BMPR1B: variants seen among roughly 807,000 people sequenced by gnomAD.
The protein encoded by BMPR1B is bone morphogenetic protein receptor type-1B.
In BMPR1B, 12 loss-of-function variants were observed where a neutral mutation model predicts 59.1. The observed-to-expected ratio is 0.20, with a 90% CI of 0.13 to 0.33. The LOEUF is 0.33. BMPR1B is among the 10% of genes least tolerant of loss of function. The probability of loss-of-function intolerance (pLI) is 1.00; values close to 1 mark genes in which losing one functional copy is unlikely to be tolerated. For missense variants in BMPR1B, 550 were observed against 610.9 expected (o/e 0.90, Z 1.05); for synonymous variants, 237 against 207.3 (o/e 1.14, Z -1.23).
At chr4:94,901,848 C>T (rs994152932) in intron 2 of BMPR1B, among the ~76,000 whole-genome samples, 9 of 151,942 alleles carry the variant, frequency 5.9e-5, no homozygotes, top group African/African-American at 2.2e-4. Context: ...GACTCTTCTC[C>T]TGAACATGGG....
At chr4:94,947,480 C>T (rs1245188731) in intron 2 of BMPR1B, among the ~76,000 whole-genome samples, 2 of 152,182 alleles carry the variant, frequency 1.3e-5, no homozygotes, top group Non-Finnish European at 2.9e-5. Context: ...CGCCTTTGAG[C>T]TAATTGGTGA....
chr4:94,835,323 C>A (rs1353647499), intron 1 of BMPR1B, among the ~76,000 whole-genome samples: 1 of 152,122 alleles, frequency 6.6e-6, no homozygotes, highest in Non-Finnish European at 1.5e-5. Context: ...ACGTGTACCA[C>A]CATGCCTGGC....
At chr4:94,997,335 C>T (rs1040540296) in intron 3 of BMPR1B, among the ~76,000 whole-genome samples, 5 of 152,120 alleles carry the variant, frequency 3.3e-5, no homozygotes, top group African/African-American at 1.2e-4. Flanking sequence ...AATACTCTGG[C>T]ACAGATTTTG....
At chr4:94,881,447 C>G (rs1726967444) in intron 2 of BMPR1B, among the ~76,000 whole-genome samples, 1 of 151,662 alleles carries the variant, frequency 6.6e-6, no homozygotes. Flanking sequence ...GGTTCAAGTT[C>G]TAGGCTGGGG....
chr4:95,061,208 C>CACAG (rs1727360751), intron 3 of BMPR1B, among the ~76,000 whole-genome samples: 1 of 134,514 alleles, frequency 7.4e-6, no homozygotes, highest in Admixed American at 7.4e-5. Flanking sequence ...CACACACACA[C>CACAG]ACCACACACC....
At chr4:95,141,214 C>T (rs1449569119) in intron 10 of BMPR1B, among the ~76,000 whole-genome samples, 5 of 152,126 alleles carry the variant, frequency 3.3e-5, no homozygotes, top group Non-Finnish European at 7.4e-5. Flanking sequence ...GTTTTTGAGC[C>T]TAATTTTTAA....
chr4:95,110,011 A>T (rs565596923), intron 4 of BMPR1B, among the ~76,000 whole-genome samples: 1 of 150,794 alleles, frequency 6.6e-6, no homozygotes, highest in East Asian at 2.0e-4. Flanking sequence ...ATAAGGAATA[A>T]CTCTCCTCTT....
At position 95,047,067 on chromosome 4, in the gene BMPR1B, T is replaced by G. The variant is rs538475857; in HGVS notation, c.-18+50933T>G. On this transcript the variant is annotated intron_variant, in intron 3 of 12. Coordinates refer to ENST00000515059, the MANE Select transcript of BMPR1B (RefSeq NM_001203.3). ...CTCATTTTTTAAAATAAACTTTTTA[T>G]TTTATAATTGATTTAGAAAATTTCC... Among the ~76,000 whole-genome samples, 53 of 152,206 alleles carry G rather than the reference T, an allele frequency of 3.5e-4. No individual in the cohort carries two copies. In the South Asian group the frequency reaches 7.5e-3, roughly 21 times the overall value.
chr4:95,060,167 C>T (rs1313777647), intron 3 of BMPR1B, among the ~76,000 whole-genome samples: 1 of 152,068 alleles, frequency 6.6e-6, no homozygotes, highest in Non-Finnish European at 1.5e-5. Flanking sequence ...ATTTTGAAAC[C>T]ACTAAACCAA....
At chr4:94,932,515 CTG>C (rs1176836349) in intron 2 of BMPR1B, among the ~76,000 whole-genome samples, 6 of 152,088 alleles carry the variant, frequency 3.9e-5, no homozygotes, top group Non-Finnish European at 7.4e-5. Flanking sequence ...GAAACTATAA[CTG>C]TCAATTTGAA....
chr4:94,927,166 C>T (rs548138947), intron 2 of BMPR1B, among the ~76,000 whole-genome samples: 1 of 152,000 alleles, frequency 6.6e-6, no homozygotes, highest in Non-Finnish European at 1.5e-5. Context: ...TCATTCCTTG[C>T]GAGTCACTGA....
At position 94,793,611 on chromosome 4, in the gene BMPR1B, T is replaced by C. The variant is rs1461006314; in HGVS notation, c.-183+35543T>C. On this transcript the variant is annotated intron_variant, in intron 1 of 12. Transcript: ENST00000515059. ...TCGCCACACTGACTTCCACAATGGTTGAACTAGTTTACAGTCCCACCAACA... is the reference window on the plus strand; with the variant it reads ...TCGCCACACTGACTTCCACAATGGTCGAACTAGTTTACAGTCCCACCAACA... Among the ~76,000 whole-genome samples the C allele has an allele frequency of 6.2e-3, 916 of 148,012 alleles. 5 individuals are homozygous for C. The highest frequency in any genetic ancestry group is 0.021 in the African/African-American group (854 of 40,098).
At chr4:95,140,878 T>C (rs780545372) in intron 10 of BMPR1B, among the ~76,000 whole-genome samples, 98 of 152,164 alleles carry the variant, frequency 6.4e-4, no homozygotes, top group Non-Finnish European at 1.1e-3. Context: ...TTATAGAAAC[T>C]TAGTTCTGCT....
rs73838616 is a variant in BMPR1B, at chr4:94,934,677, T to C, written c.-113+58777T>C. On this transcript the variant is annotated intron_variant, in intron 2 of 12. Coordinates refer to ENST00000515059, the MANE Select transcript of BMPR1B (RefSeq NM_001203.3). ...GGAACTGAGAGTCTGAGATCCAAAG[T>C]AGAGAAAATGCAACTTTTGTGTGCT... Among the ~76,000 whole-genome samples, 1,269 of 152,102 alleles carry C rather than the reference T, an allele frequency of 8.3e-3. 26 individuals carry two copies. The highest frequency in any genetic ancestry group is 0.028 in the African/African-American group (1,171 of 41,498).
intron 2 of BMPR1B, among the ~76,000 whole-genome samples, chr4:94,895,555 G>A (rs1053625854): frequency 2.6e-5 from 4 of 151,668 alleles, no homozygotes; most frequent in African/African-American, 9.7e-5. Context: ...GTTGAATGAA[G>A]AAAAATTATT....
intron 1 of BMPR1B, among the ~76,000 whole-genome samples, chr4:94,843,451 T>A (rs1051121414): frequency 5.3e-5 from 8 of 152,216 alleles, no homozygotes; most frequent in Non-Finnish European, 1.0e-4. Context: ...ATGTGTTTCT[T>A]CTGTCTTGGT....
chr4:94,833,842 A>G (rs868803140), intron 1 of BMPR1B, among the ~76,000 whole-genome samples: 1 of 152,184 alleles, frequency 6.6e-6, no homozygotes. Flanking sequence ...TGATCTATGC[A>G]TACTTGGGTA....
At chr4:94,855,285 G>C in intron 1 of BMPR1B, among the ~76,000 whole-genome samples, 1 of 152,136 alleles carries the variant, frequency 6.6e-6, no homozygotes, top group Non-Finnish European at 1.5e-5. Context: ...GATGAAGCAA[G>C]CATTATTAAT....
At chr4:94,800,626 G>T (rs1366891631) in intron 1 of BMPR1B, among the ~76,000 whole-genome samples, 1 of 152,030 alleles carries the variant, frequency 6.6e-6, no homozygotes, top group African/African-American at 2.4e-5. Context: ...GTGACCTCAG[G>T]CCAGTCTTTT....
Sources: allele counts gnomAD v4.1 joint callset (sites outside exome capture counted in the v4.1 genomes callset), GRCh38; gene constraint gnomAD v4.1.1; transcripts MANE v1.5; gene names NCBI Gene and HGNC (gene_info 2026-07-23, HGNC 2026-07-21).